The following LONRF2 variants were observed in gnomAD, a reference collection of about 807,000 sequenced individuals.
The protein encoded by LONRF2 is LON peptidase N-terminal domain and ring finger 2.
LONRF2 carries 35 observed loss-of-function variants against 66.6 expected under a neutral mutation model. The ratio of observed to expected loss-of-function variants is 0.53; its 90% CI spans 0.40 to 0.70. The LOEUF is 0.70. LONRF2 is among the 30% of genes least tolerant of loss of function. The pLI is 0.00. For synonymous variants in LONRF2, 417 were observed against 418.1 expected (o/e 1.00, Z 0.03); for missense variants, 902 against 1,002.1 (o/e 0.90, Z 1.35).
intron 9 of LONRF2, among the ~76,000 whole-genome samples, chr2:100,290,976 T>C (rs1674948611): frequency 6.6e-6 from 1 of 152,122 alleles, no homozygotes. Flanking sequence ...AAACAAGCTA[T>C]GAGTTCCATG....
chr2:100,273,850 G>C lies in LONRF2; in HGVS notation c.*10448C>G, dbSNP rs191587441. 1.3e-5 allele frequency: 2 copies of C among 152,216 alleles called. No individual in the cohort carries two copies. The highest frequency in any genetic ancestry group is 3.9e-4 in the East Asian group (2 of 5,180). The allele number at this position is 152,216 out of a possible 1,614,324, so 9.4% of individuals were successfully genotyped here. A position where few individuals can be genotyped will look rare whatever the true frequency, so the allele number is the denominator to read the frequency against. On this transcript the variant is annotated 3_prime_UTR_variant, in exon 12 of 12. Coordinates refer to ENST00000393437, the MANE Select transcript of LONRF2 (RefSeq NM_198461.4). ...ATGCTAATGACACCACTCTCCACTA[G>C]CATGAAAGAACAATATATGAATAGA...
At chr2:100,299,341 A>C in intron 5 of LONRF2, 22 bp from the exon 6 acceptor site, 1 of 1,451,594 alleles carries the variant, frequency 6.9e-7, no homozygotes, top group Non-Finnish European at 9.4e-7. Flanking sequence ...AAAATTTAAA[A>C]CGCTGTAATT....
Position 100,284,358 on chromosome 2 carries a change from G to A in LONRF2, c.2205C>T (p.Ile735=), listed in dbSNP as rs1573107785. 5.0e-6 allele frequency: 8 copies of A among 1,594,476 alleles called. No homozygotes were observed. The highest frequency in any genetic ancestry group is 2.3e-5 in the East Asian group (1 of 44,324). The stretch of plus-strand genomic sequence containing the variant: ...GCCGACTATTCATCTTACGCGTGAT[G>A]ATGACTAATATCCGTCGGATGGCAA... ...RLLAIRRILV[I]ITRKMNSRQE... The change falls in exon 12 of 12, where the codon ATC becomes ATT. Residue 735 remains isoleucine (I), a synonymous_variant. Transcript: ENST00000393437.
chr2:100,278,303 C>T lies in LONRF2; in HGVS notation c.*5995G>A, dbSNP rs1674640303. On this transcript the variant is annotated 3_prime_UTR_variant, in exon 12 of 12. Transcript: ENST00000393437. ...TATAAAAGCTCATTACATATTGGGG[C>T]CTTCCATAATGTTTCCCCCTATTCC... 6.6e-6 allele frequency: 1 copy of T among 152,222 alleles called. No individual in the cohort carries two copies. The highest frequency in any genetic ancestry group is 1.5e-5 in the Non-Finnish European group (1 of 68,022). The allele number at this position is 152,222 out of a possible 1,614,324, so 9.4% of individuals were successfully genotyped here.
Position 100,309,741 on chromosome 2 carries a change from T to C in LONRF2, c.680-516A>G, listed in dbSNP as rs150227158. Among the ~76,000 whole-genome samples the C allele has an allele frequency of 1.8e-3, 280 of 152,284 alleles. 2 individuals are homozygous for C. The highest frequency in any genetic ancestry group is 6.3e-3 in the African/African-American group (262 of 41,574). On this transcript the variant is annotated intron_variant, in intron 1 of 11. Coordinates refer to ENST00000393437, the MANE Select transcript of LONRF2 (RefSeq NM_198461.4). ...AGGCTGAAGTGCAATGGCATGATCT[T>C]GGCTCACTGCAACCTCTGCCTCCTG...
chr2:100,303,277 C>A (rs1377894527), intron 2 of LONRF2, among the ~76,000 whole-genome samples: 6 of 152,174 alleles, frequency 3.9e-5, no homozygotes, highest in Non-Finnish European at 8.8e-5. Context: ...GCTACCGTAC[C>A]TGAAATGTTC....
chr2:100,307,038 C>A (rs1028911426), intron 2 of LONRF2, among the ~76,000 whole-genome samples: 1 of 151,342 alleles, frequency 6.6e-6, no homozygotes, highest in African/African-American at 2.4e-5. Context: ...CTCCTGCCTC[C>A]GCCTCCCGAG....
chr2:100,302,216 C>T (rs1025519072), intron 3 of LONRF2, among the ~76,000 whole-genome samples: 1 of 152,124 alleles, frequency 6.6e-6, no homozygotes, highest in African/African-American at 2.4e-5. Context: ...ATGTTTGGCC[C>T]ACAGGGTGAC....
At chr2:100,303,615 CA>C (rs1675229530) in intron 2 of LONRF2, among the ~76,000 whole-genome samples, 1 of 152,130 alleles carries the variant, frequency 6.6e-6, no homozygotes, top group Non-Finnish European at 1.5e-5. Context: ...TTTCTCTTAG[CA>C]CTTGAAATAT....
At chr2:100,308,934 T>C (rs996431710) in intron 2 of LONRF2, among the ~76,000 whole-genome samples, 173 bp downstream of exon 2, 1 of 152,238 alleles carries the variant, frequency 6.6e-6, no homozygotes, top group East Asian at 1.9e-4. Flanking sequence ...GGAGATTTAG[T>C]CTTTTAAATT....
intron 11 of LONRF2, among the ~76,000 whole-genome samples, chr2:100,286,032 T>C (rs1674838238): frequency 1.3e-5 from 2 of 152,080 alleles, no homozygotes; most frequent in Admixed American, 1.3e-4. Context: ...TCCAGGATAC[T>C]GCAGAACAAA....
At chr2:100,321,140 G>A (rs1177159596) in intron 1 of LONRF2, among the ~76,000 whole-genome samples, 1 of 152,192 alleles carries the variant, frequency 6.6e-6, no homozygotes, top group Non-Finnish European at 1.5e-5. Context: ...ATGCCGAAAA[G>A]CAATTACAGG....
chr2:100,294,301 C>T lies in LONRF2; in HGVS notation c.1685G>A (p.Arg562Gln), dbSNP rs772166966. 4 of 1,608,944 alleles carry T rather than the reference C, an allele frequency of 2.5e-6. No homozygotes were observed. Among genetic ancestry groups the T allele is most frequent in the South Asian group, 1.1e-5 (1 of 90,084 alleles). The change falls in exon 9 of 12, where the codon CGG (arginine) becomes CAG (glutamine). Residue 562 changes from arginine to glutamine, a missense_variant. By Grantham distance (43) the Arg-to-Gln change is conservative (BLOSUM62 1). Around this residue, in one of 2 missense-constraint regions of LONRF2, gnomAD observed 317 missense variants for 432.2 expected, o/e 0.73. Coordinates refer to ENST00000393437, the MANE Select transcript of LONRF2 (RefSeq NM_198461.4). ...TTCCATGCATCTTCTTATCATAAGC[C>T]GATAGCGGGGCTCAAAAACGTGGAG... ...CPLHVFEPRYRLMIRRCMETG... is the reference protein window; with the variant it reads ...CPLHVFEPRYQLMIRRCMETG...
Position 100,284,069 on chromosome 2 carries a change from GT to G in LONRF2, c.*228del. ...TGCTTCTAAGAGATTTTCTTAGGTT[GT>G]TTTCCAACTATGGGCTCCATTCAGA... On this transcript the variant is annotated 3_prime_UTR_variant, in exon 12 of 12. Transcript: ENST00000393437. 2.3e-6 allele frequency: 1 copy of G among 429,542 alleles called. No individual in the cohort carries two copies. 26.6% of individuals were successfully genotyped at this position (429,542 alleles called of 1,614,324 possible). A position where few individuals can be genotyped will look rare whatever the true frequency, so the allele number is the denominator to read the frequency against.
chr2:100,287,085 G>A, intron 10 of LONRF2, 22 bp from the exon 11 acceptor site: 1 of 1,611,620 alleles, frequency 6.2e-7, no homozygotes, highest in East Asian at 2.2e-5. Flanking sequence ...AAGAGGCACA[G>A]CTGTGTGAAC....
intron 1 of LONRF2, among the ~76,000 whole-genome samples, chr2:100,313,078 C>T (rs1163650397): frequency 1.3e-5 from 2 of 152,168 alleles, no homozygotes; most frequent in African/African-American, 2.4e-5. Context: ...TGTTTAGGGT[C>T]GACCAAAGGC....
chr2:100,313,450 G>A lies in LONRF2; in HGVS notation c.680-4225C>T, dbSNP rs184969276. ...GTGGAGGTTGCAGTGAGCCAAGACT[G>A]TCCCACTGCACTCTAGTCTGGGTGA... On this transcript the variant is annotated intron_variant, in intron 1 of 11. Coordinates refer to ENST00000393437, the MANE Select transcript of LONRF2 (RefSeq NM_198461.4). Among the ~76,000 whole-genome samples, 508 of 152,242 alleles carry A rather than the reference G, an allele frequency of 3.3e-3. 2 individuals carry two copies. Among genetic ancestry groups the A allele is most frequent in the South Asian group, 6.4e-3 (31 of 4,822 alleles).
intron 2 of LONRF2, among the ~76,000 whole-genome samples, chr2:100,307,935 G>A (rs1034731218): frequency 2.5e-5 from 3 of 119,526 alleles, no homozygotes; most frequent in African/African-American, 9.6e-5. Context: ...TGAAATTGGA[G>A]TCTAAACTTT....
At chr2:100,292,146 T>C (rs1674975334) in intron 9 of LONRF2, among the ~76,000 whole-genome samples, 1 of 152,096 alleles carries the variant, frequency 6.6e-6, no homozygotes, top group African/African-American at 2.4e-5. Flanking sequence ...AACAGGATGA[T>C]CTCATTCATA....
Sources: allele counts gnomAD v4.1 joint callset (sites outside exome capture counted in the v4.1 genomes callset), GRCh38; gene constraint gnomAD v4.1.1; regional missense constraint gnomAD v4.1.1; transcripts MANE v1.5; gene names NCBI Gene and HGNC (gene_info 2026-07-23, HGNC 2026-07-21).